RGS9: variants seen among roughly 807,000 people sequenced by gnomAD.
RGS9 encodes the protein regulator of G protein signaling 9.
A neutral mutation model predicts 102.0 loss-of-function variants in RGS9; 78 were observed. The observed-to-expected ratio is 0.76, with a 90% CI of 0.64 to 0.92. The LOEUF is 0.92. Among genes scored for constraint, RGS9 ranks in the 40% least tolerant of loss-of-function variants. The pLI is 0.00. For missense variants in RGS9, 833 were observed against 866.1 expected (o/e 0.96, Z 0.48); for synonymous variants, 353 against 318.6 (o/e 1.11, Z -1.15).
Position 65,137,397 on chromosome 17 carries a change from G to C in RGS9, c.-144G>C. 2 of 773,872 alleles carry C rather than the reference G, an allele frequency of 2.6e-6. No homozygotes were observed. Among genetic ancestry groups the C allele is most frequent in the Non-Finnish European group, 4.4e-6 (2 of 449,532 alleles). 47.9% of individuals were successfully genotyped at this position (773,872 alleles called of 1,614,324 possible). On this transcript the variant is annotated 5_prime_UTR_variant, in exon 1 of 19. Transcript: ENST00000262406. ...TCAGCGGCGCCTAGTGAGAGTCAGG[G>C]GGGCCCGGCCCGCGCCCTCCCCGCC...
rs187480454 is a variant in RGS9 at position 65,190,337 on chromosome 17, T to A, written c.746+101T>A. On this transcript the variant is annotated intron_variant, in intron 11 of 18. Transcript: ENST00000262406. ...AAGTCCTGGGCTGACAGACTGAAGA[T>A]TCAGCAGAACTGTGAGGGACAAAAC... 91 of 947,914 alleles carry A rather than the reference T, an allele frequency of 9.6e-5. 1 individual carries two copies. Among genetic ancestry groups the A allele is most frequent in the Admixed American group, 9.3e-4 (55 of 59,236 alleles). 58.7% of individuals were successfully genotyped at this position (947,914 alleles called of 1,614,324 possible).
rs1487473490 is a variant in RGS9, at chr17:65,207,984, A to G, written c.1266A>G (p.Glu422=). The change falls in exon 16 of 19, where the codon GAA becomes GAG. Residue 422 remains glutamate, a synonymous_variant. Coordinates refer to ENST00000262406, the MANE Select transcript of RGS9 (RefSeq NM_003835.4). ...IYKDMLAKAI[E]PQETTKKSST... is the part of the protein sequence containing the mutation. ...AGGACATGCTGGCCAAAGCTATTGA[A>G]CCTCAGGAAACCACCAAGAAAAGGC... The G allele has an allele frequency of 6.2e-7, 1 of 1,612,732 alleles. No individual in the cohort carries two copies. Among genetic ancestry groups the G allele is most frequent in the Non-Finnish European group, 8.5e-7 (1 of 1,178,878 alleles).
chr17:65,197,198 A>G lies in RGS9; in HGVS notation c.933A>G (p.Lys311=). 1.9e-6 allele frequency: 3 copies of G among 1,613,966 alleles called. No homozygotes were observed. Among genetic ancestry groups the G allele is most frequent in the Non-Finnish European group, 2.5e-6 (3 of 1,179,866 alleles). Residue 311 remains lysine (K), a synonymous_variant, in exon 13 of 19, where the codon AAA becomes AAG. Coordinates refer to ENST00000262406, the MANE Select transcript of RGS9 (RefSeq NM_003835.4). ...TCAGCGAATTGATCCGAGACCCCAA[A>G]GGTCGACAGAGCTTCCAGTACTTCC... The part of the protein sequence containing the change: ...FNFSELIRDP[K]GRQSFQYFLK...
At chr17:65,154,092 A>G (rs1002005802) in intron 2 of RGS9, among the ~76,000 whole-genome samples, 9 of 152,282 alleles carry the variant, frequency 5.9e-5, no homozygotes, top group African/African-American at 2.2e-4. Flanking sequence ...GGATCACCTG[A>G]GGTCGGGAGT....
At chr17:65,177,707 C>G in intron 8 of RGS9, 25 bp from the exon 9 acceptor site, 1 of 1,609,040 alleles carries the variant, frequency 6.2e-7, no homozygotes, top group Non-Finnish European at 8.5e-7. Flanking sequence ...CTGTAATGAC[C>G]TTATGTTGTT....
chr17:65,194,402 C>T (rs73347653), intron 12 of RGS9, among the ~76,000 whole-genome samples: 3,903 of 152,146 alleles, frequency 0.026, 170 homozygotes, highest in African/African-American at 0.089. Context: ...TCATTTCTCT[C>T]GGGTGTATAT....
At chr17:65,212,820 T>C (rs1292105497) in intron 17 of RGS9, among the ~76,000 whole-genome samples, 1 of 152,212 alleles carries the variant, frequency 6.6e-6, no homozygotes, top group Non-Finnish European at 1.5e-5. Context: ...CTTCCCACTC[T>C]GGAAGGTACC....
rs761214193 is a variant in RGS9 at position 65,182,270 on chromosome 17, AC to A, written c.654+4469del. On this transcript the variant is annotated intron_variant, in intron 9 of 18. Coordinates refer to ENST00000262406, the MANE Select transcript of RGS9 (RefSeq NM_003835.4). ...TCTTTCTTCTTGTGGCTTCTGTGTG[AC>A]CATGCCTAGCTGAGGGAAGGGAAGG... Among the ~76,000 whole-genome samples the A allele has an allele frequency of 2.0e-4, 31 of 152,258 alleles. 1 individual carries two copies. The highest frequency in any genetic ancestry group is 1.0e-3 in the Admixed American group (16 of 15,292).
intron 9 of RGS9, among the ~76,000 whole-genome samples, chr17:65,178,671 T>G (rs1416050788): frequency 3.3e-5 from 5 of 152,072 alleles, no homozygotes; most frequent in Non-Finnish European, 7.4e-5. Context: ...GCTTGGCTAA[T>G]TTTTGAAATT....
At chr17:65,186,170 ATT>A (rs1912111496) in intron 9 of RGS9, among the ~76,000 whole-genome samples, 1 of 123,626 alleles carries the variant, frequency 8.1e-6, no homozygotes. Context: ...CATTTTATTT[ATT>A]TATTTATTTA....
At chr17:65,145,795 G>C (rs1598555770) in intron 1 of RGS9, among the ~76,000 whole-genome samples, 1 of 152,274 alleles carries the variant, frequency 6.6e-6, no homozygotes, top group Admixed American at 6.5e-5. Context: ...ACGCAGTTCA[G>C]CCCATAGAGC....
Position 65,163,024 on chromosome 17 carries a change from T to C in RGS9, c.435T>C (p.Asn145=). 1.3e-6 allele frequency: 2 copies of C among 1,580,068 alleles called. No individual in the cohort carries two copies. The highest frequency in any genetic ancestry group is 1.7e-6 in the Non-Finnish European group (2 of 1,149,824). ...ILEEYEKENY[N]FLNQKMNYKW... is the part of the protein sequence containing the mutation. The stretch of plus-strand genomic sequence containing the variant: ...TTTTTCTTCTTTAGGAAAATTACAA[T>C]TTCTTGAACCAAAAAATGAACTATA... Residue 145 remains asparagine, a synonymous_variant, in exon 7 of 19, where the codon AAT becomes AAC. Transcript: ENST00000262406.
At chr17:65,217,093 C>T (rs1426344054) in intron 17 of RGS9, among the ~76,000 whole-genome samples, 1 of 152,100 alleles carries the variant, frequency 6.6e-6, no homozygotes, top group African/African-American at 2.4e-5. Flanking sequence ...AGGACGCCTC[C>T]CTGAGAAGAT....
chr17:65,169,744 C>G (rs1363353730), intron 8 of RGS9, among the ~76,000 whole-genome samples: 1 of 152,160 alleles, frequency 6.6e-6, no homozygotes, highest in Non-Finnish European at 1.5e-5. Flanking sequence ...CAGCCCCCAC[C>G]AGGCTAGTGG....
chr17:65,175,574 G>T (rs1335191652), intron 8 of RGS9, among the ~76,000 whole-genome samples: 1 of 152,102 alleles, frequency 6.6e-6, no homozygotes, highest in African/African-American at 2.4e-5. Flanking sequence ...GTGGTCTCGG[G>T]GCACACTCAC....
intron 1 of RGS9, among the ~76,000 whole-genome samples, chr17:65,148,104 C>T (rs34695575): frequency 0.29 from 44,461 of 152,072 alleles, 8,147 homozygotes; most frequent in African/African-American, 0.52. Flanking sequence ...TGGCAACCAC[C>T]ATTCTGATAT....
In RGS9 at chr17:65,177,607, C is replaced by T. The variant is rs866467739; in HGVS notation, c.583-125C>T. The stretch of plus-strand genomic sequence containing the variant: ...GGGTTTACACCCACTCAAAGCTTCC[C>T]ATGGGCTAGGCCACAAGCTCTTCTC... On this transcript the variant is annotated intron_variant, in intron 8 of 18. Coordinates refer to ENST00000262406, the MANE Select transcript of RGS9 (RefSeq NM_003835.4). The T allele has an allele frequency of 9.3e-5, 91 of 981,848 alleles. No individual in the cohort carries two copies. In the African/African-American group the frequency reaches 1.3e-3, roughly 14 times the overall value. 60.8% of individuals were successfully genotyped at this position (981,848 alleles called of 1,614,324 possible). A position where few individuals can be genotyped will look rare whatever the true frequency, so the allele number is the denominator to read the frequency against.
intron 1 of RGS9, 29 bp downstream of exon 1, chr17:65,137,626 G>GGA: frequency 6.2e-7 from 1 of 1,611,252 alleles, no homozygotes; most frequent in Non-Finnish European, 8.5e-7. Flanking sequence ...CTGGACCCTG[G>GGA]GAGGAGGGCG....
At chr17:65,224,737 T>C (rs544726750) in intron 17 of RGS9, among the ~76,000 whole-genome samples, 2 of 152,132 alleles carry the variant, frequency 1.3e-5, no homozygotes, top group Non-Finnish European at 2.9e-5. Flanking sequence ...AGAAGGTCAG[T>C]TCATGTCCCG....
Sources: allele counts gnomAD v4.1 joint callset (sites outside exome capture counted in the v4.1 genomes callset), GRCh38; gene constraint gnomAD v4.1.1; transcripts MANE v1.5; gene names NCBI Gene and HGNC (gene_info 2026-07-23, HGNC 2026-07-21).